The following NDUFAF2 variants were observed in gnomAD, a reference collection of about 807,000 sequenced individuals.
NDUFAF2 encodes NADH:ubiquinone oxidoreductase complex assembly factor 2, also known as NADH dehydrogenase [ubiquinone] 1 alpha subcomplex assembly factor 2.
In NDUFAF2, 13 loss-of-function variants were observed where a neutral mutation model predicts 22.8. The ratio of observed to expected loss-of-function variants is 0.57; its 90% CI spans 0.37 to 0.91. The LOEUF (loss-of-function observed/expected upper bound fraction) is 0.91, where lower values mean the gene tolerates loss of function less well. Ranked by LOEUF, NDUFAF2 falls within the 40% of genes least tolerant of loss-of-function variation. The probability of loss-of-function intolerance (pLI) is 0.01; values close to 1 mark genes in which losing one functional copy is unlikely to be tolerated. For synonymous variants in NDUFAF2, 53 were observed against 64.2 expected, an observed-to-expected ratio of 0.83 and a Z score of 0.84; for missense variants, 162 against 195.2, an observed-to-expected ratio of 0.83 and a Z score of 1.01.
intron 1 of NDUFAF2, among the ~76,000 whole-genome samples, chr5:61,023,959 T>C (rs970467312): frequency 4.6e-5 from 7 of 152,184 alleles, no homozygotes; most frequent in Non-Finnish European, 5.9e-5. Flanking sequence ...ACCCCGGGGA[T>C]TGCTACAGTG....
At chr5:60,983,741 T>C (rs536938254) in intron 1 of NDUFAF2, among the ~76,000 whole-genome samples, 2 of 151,104 alleles carry the variant, frequency 1.3e-5, no homozygotes, top group African/African-American at 2.4e-5. Flanking sequence ...GAGGGCTCTG[T>C]TCTGTTCCAT....
At chr5:60,956,004 C>T (rs184035521) in intron 1 of NDUFAF2, among the ~76,000 whole-genome samples, 2 of 151,626 alleles carry the variant, frequency 1.3e-5, no homozygotes, top group Admixed American at 6.6e-5. Context: ...AACCTCTGCC[C>T]CTGGGGCCTA....
intron 1 of NDUFAF2, among the ~76,000 whole-genome samples, chr5:61,035,262 C>T (rs1250083126): frequency 1.3e-5 from 2 of 151,616 alleles, no homozygotes; most frequent in Non-Finnish European, 2.9e-5. Context: ...AGATGGGGTT[C>T]ACCATGTTGG....
intron 1 of NDUFAF2, among the ~76,000 whole-genome samples, chr5:60,949,559 C>G (rs1002582494): frequency 7.9e-5 from 12 of 152,110 alleles, no homozygotes; most frequent in Admixed American, 7.2e-4. Flanking sequence ...GAGTACATAC[C>G]TAAGAGTGTG....
chr5:61,092,633 A>G (rs1418406324), intron 2 of NDUFAF2, among the ~76,000 whole-genome samples: 6 of 152,182 alleles, frequency 3.9e-5, no homozygotes, highest in Admixed American at 3.3e-4. Context: ...TTTTCTAGAT[A>G]CAGGATCATG....
At chr5:61,091,338 C>G (rs556417196) in intron 2 of NDUFAF2, among the ~76,000 whole-genome samples, 5 of 152,134 alleles carry the variant, frequency 3.3e-5, no homozygotes, top group Non-Finnish European at 7.4e-5. Flanking sequence ...TGCAACCTTG[C>G]TAGTGTCTGT....
chr5:60,945,501 G>T lies in NDUFAF2; in HGVS notation c.127+119G>T, dbSNP rs533042595. The T allele has an allele frequency of 2.1e-6, 3 of 1,443,260 alleles. No homozygotes were observed. The Admixed American group carries it at 5.4e-5, about 26-fold the overall frequency. 89.4% of individuals were successfully genotyped at this position (1,443,260 alleles called of 1,614,324 possible). A position where few individuals can be genotyped will look rare whatever the true frequency, so the allele number is the denominator to read the frequency against. The stretch of plus-strand genomic sequence containing the variant: ...ATGCGACACTTAGGGTGTCACCGGA[G>T]AGAATTTCCCGAGTTCGTTCTCCCC... On this transcript the variant is annotated intron_variant, in intron 1 of 3. Transcript: ENST00000296597.
chr5:61,116,159 G>C (rs1458855762), intron 3 of NDUFAF2: 1 of 152,080 alleles, frequency 6.6e-6, no homozygotes, highest in East Asian at 1.9e-4. Context: ...CCAAGAAAAA[G>C]GACCTGAAAC....
In NDUFAF2 at chr5:61,110,582, C is replaced by A. The variant is rs77589568; in HGVS notation, c.258+11550C>A. ...TATGTGTCTAGGAATTTACCCATTT[C>A]TTCTAGGTTTTCCAATGTATTGGCT... On this transcript the variant is annotated intron_variant, in intron 3 of 3. Transcript: ENST00000296597. Among the ~76,000 whole-genome samples the A allele has an allele frequency of 7.9e-3, 1,195 of 152,092 alleles. 15 individuals are homozygous for A. The highest frequency in any genetic ancestry group is 0.027 in the African/African-American group (1,119 of 41,526).
chr5:61,052,471 C>T (rs1330054504), intron 1 of NDUFAF2, among the ~76,000 whole-genome samples: 4 of 152,152 alleles, frequency 2.6e-5, no homozygotes, highest in East Asian at 1.9e-4. Context: ...CCACCATGCC[C>T]GGCTAATTTT....
intron 3 of NDUFAF2, among the ~76,000 whole-genome samples, chr5:61,123,846 T>C (rs1166145565): frequency 6.6e-6 from 1 of 152,128 alleles, no homozygotes; most frequent in Non-Finnish European, 1.5e-5. Flanking sequence ...ATAAACATAT[T>C]GTATGAGAAT....
At chr5:61,054,221 T>C (rs1752060125) in intron 1 of NDUFAF2, among the ~76,000 whole-genome samples, 1 of 151,070 alleles carries the variant, frequency 6.6e-6, no homozygotes, top group Non-Finnish European at 1.5e-5. Context: ...AAAAATAAAA[T>C]AAAAATATAA....
At chr5:61,095,645 A>G (rs943099493) in intron 2 of NDUFAF2, among the ~76,000 whole-genome samples, 1 of 152,204 alleles carries the variant, frequency 6.6e-6, no homozygotes, top group Non-Finnish European at 1.5e-5. Flanking sequence ...TGCTCTGCCA[A>G]GAGTCCACAC....
rs115907120 is a variant in NDUFAF2, at chr5:61,002,106, A to C, written c.127+56724A>C. Among the ~76,000 whole-genome samples, 775 of 152,230 alleles carry C rather than the reference A, an allele frequency of 5.1e-3. 11 individuals carry two copies. The highest frequency in any genetic ancestry group is 0.018 in the African/African-American group (758 of 41,554). ...AAGGACCAACCAGGACAGCATTGTC[A>C]GAAAGTATAGGTGGAACTTCAGAGA... On this transcript the variant is annotated intron_variant, in intron 1 of 3. Transcript: ENST00000296597.
At chr5:60,995,304 A>C (rs1053345221) in intron 1 of NDUFAF2, among the ~76,000 whole-genome samples, 5 of 152,114 alleles carry the variant, frequency 3.3e-5, no homozygotes, top group Non-Finnish European at 5.9e-5. Context: ...CACTGTTTAG[A>C]CTTACTTTAG....
intron 2 of NDUFAF2, among the ~76,000 whole-genome samples, chr5:61,095,938 C>T (rs1386201596): frequency 6.6e-6 from 1 of 152,056 alleles, no homozygotes; most frequent in African/African-American, 2.4e-5. Context: ...TTTACTCGCC[C>T]CTTTGGTTGC....
chr5:60,978,384 G>C (rs971405544), intron 1 of NDUFAF2, among the ~76,000 whole-genome samples: 3 of 152,126 alleles, frequency 2.0e-5, no homozygotes, highest in Non-Finnish European at 4.4e-5. Flanking sequence ...GGTTTAACTG[G>C]CTCACGGTTC....
chr5:61,139,031 G>T (rs1221636823), intron 3 of NDUFAF2, among the ~76,000 whole-genome samples: 5 of 152,204 alleles, frequency 3.3e-5, no homozygotes, highest in African/African-American at 7.2e-5. Flanking sequence ...CTTGGGATAA[G>T]AAATGATTAC....
intron 1 of NDUFAF2, among the ~76,000 whole-genome samples, chr5:61,031,621 A>G (rs1030866172): frequency 9.2e-5 from 14 of 151,958 alleles, no homozygotes; most frequent in Non-Finnish European, 1.3e-4. Context: ...TATCCAGTCT[A>G]TCATTGATGG....
Sources: allele counts gnomAD v4.1 joint callset (sites outside exome capture counted in the v4.1 genomes callset), GRCh38; gene constraint gnomAD v4.1.1; transcripts MANE v1.5; gene names NCBI Gene and HGNC (gene_info 2026-07-23, HGNC 2026-07-21).